The following EMILIN2 variants were observed in gnomAD, a reference collection of about 807,000 sequenced individuals.
The protein encoded by EMILIN2 is elastin microfibril interfacer 2.
EMILIN2 carries 71 observed loss-of-function variants against 87.1 expected under a neutral mutation model. That is an observed-to-expected ratio of 0.82 (90% CI 0.67 to 0.99). EMILIN2 has a LOEUF of 0.99. EMILIN2 is among the 50% of genes least tolerant of loss of function. EMILIN2 has a pLI of 0.00. For synonymous variants in EMILIN2, 581 were observed against 563.4 expected, an observed-to-expected ratio of 1.03 and a Z score of -0.44; for missense variants, 1,407 against 1,371.8, an observed-to-expected ratio of 1.03 and a Z score of -0.40.
chr18:2,849,484 G>A (rs2143943753), intron 2 of EMILIN2, among the ~76,000 whole-genome samples: 1 of 152,200 alleles, frequency 6.6e-6, no homozygotes, highest in African/African-American at 2.4e-5. Context: ...GAAAACCAAA[G>A]GATGATTTAA....
At chr18:2,902,404 T>C (rs628141) in intron 4 of EMILIN2, among the ~76,000 whole-genome samples, 85,744 of 152,032 alleles carry the variant, frequency 0.56, 24,681 homozygotes, top group East Asian at 0.78. Context: ...CCCCAGAGGT[T>C]CATGTTGTTT....
At chr18:2,906,330 C>G (rs1447091241) in intron 4 of EMILIN2, 1 of 154,078 alleles carries the variant, frequency 6.5e-6, no homozygotes, top group East Asian at 1.9e-4. Flanking sequence ...CCGCGCAGCC[C>G]TGGGGCCCCC....
chr18:2,884,235 C>T (rs191839677), intron 2 of EMILIN2, among the ~76,000 whole-genome samples: 3 of 152,098 alleles, frequency 2.0e-5, no homozygotes, highest in Non-Finnish European at 2.9e-5. Context: ...AGATTACAGG[C>T]GTGAGCCACC....
In EMILIN2 at chr18:2,885,136, A is replaced by C. The variant is rs769612215; in HGVS notation, c.430A>C (p.Thr144Pro). The change falls in exon 3 of 8, where the codon ACA becomes CCA. Residue 144 changes from threonine (T) to proline (P), a missense_variant. By Grantham distance (38) the Thr-to-Pro change is conservative. Transcript: ENST00000254528. Reference protein sequence around the residue: ...ARPRNSLKKATDNEPSQFSEP... With the variant: ...ARPRNSLKKAPDNEPSQFSEP... ...GCCTCGAAACAGCTTGAAGAAAGCC[A>C]CAGGTAACTTCTTATTTGTGCTATT... The C allele has an allele frequency of 5.0e-6, 8 of 1,601,480 alleles. No individual in the cohort carries two copies. The East Asian group carries it at 1.8e-4, about 36-fold the overall frequency.
At chr18:2,866,211 C>T (rs1037055193) in intron 2 of EMILIN2, among the ~76,000 whole-genome samples, 19 of 152,238 alleles carry the variant, frequency 1.2e-4, no homozygotes, top group African/African-American at 4.6e-4. Context: ...GCTGCACCCA[C>T]TGTCCGACAC....
In EMILIN2 at chr18:2,847,309, A is replaced by G; in HGVS notation, c.121A>G (p.Ser41Gly). The change falls in exon 1 of 8, where the codon AGC becomes GGC. Residue 41 changes from serine (S) to glycine (G), a missense_variant. Coordinates refer to ENST00000254528, the MANE Select transcript of EMILIN2 (RefSeq NM_032048.3). This position sits in a 1 kb window ranked among gnomAD's most constrained non-coding sequence, Gnocchi z 4.5. ...GPQPGYPARP[S>G]ARNKNWCAYI... ...GCAGCCCGGGTATCCCGCGCGGCCC[A>G]GCGCCAGGAACAAGTAAGTGCGCGC... 1 of 1,316,904 alleles carries G rather than the reference A, an allele frequency of 7.6e-7. No homozygotes were observed. 81.6% of individuals were successfully genotyped at this position (1,316,904 alleles called of 1,614,324 possible).
At chr18:2,871,845 A>T (rs1263117407) in intron 2 of EMILIN2, among the ~76,000 whole-genome samples, 3 of 152,206 alleles carry the variant, frequency 2.0e-5, no homozygotes, top group Non-Finnish European at 4.4e-5. Flanking sequence ...GTTTTATTGC[A>T]AATGTTTGCC....
At chr18:2,853,307 C>G (rs901016804) in intron 2 of EMILIN2, among the ~76,000 whole-genome samples, 5 of 152,080 alleles carry the variant, frequency 3.3e-5, no homozygotes, top group African/African-American at 4.8e-5. Context: ...GATCCTGCCA[C>G]CCCCCCAGCC....
chr18:2,852,781 A>G (rs1411605841), intron 2 of EMILIN2, among the ~76,000 whole-genome samples: 1 of 152,196 alleles, frequency 6.6e-6, no homozygotes, highest in Non-Finnish European at 1.5e-5. Flanking sequence ...GGCCTCCCAA[A>G]GTGCTGGGAT....
chr18:2,913,609 C>A lies in EMILIN2; in HGVS notation c.*205C>A. ...GTGAGGCACACGGTGAACATGGCCA[C>A]TGACTTTTCTGCCACTCTAACTGGA... On this transcript the variant is annotated 3_prime_UTR_variant, in exon 8 of 8. Transcript: ENST00000254528. 2 of 543,090 alleles carry A rather than the reference C, an allele frequency of 3.7e-6. No individual in the cohort carries two copies. The highest frequency in any genetic ancestry group is 2.5e-5 in the South Asian group (1 of 39,540). 33.6% of individuals were successfully genotyped at this position (543,090 alleles called of 1,614,324 possible). A position where few individuals can be genotyped will look rare whatever the true frequency, so the allele number is the denominator to read the frequency against.
chr18:2,913,063 G>A lies in EMILIN2; in HGVS notation c.2825-4G>A, dbSNP rs557040408. The A allele has an allele frequency of 1.1e-4, 180 of 1,607,402 alleles. 2 individuals are homozygous for A. The South Asian group carries it at 1.4e-3, about 12-fold the overall frequency. ...GAGCACAGGGTTTGCCTTTCTCCCC[G>A]CAGGGGTCTTCACGGCTCCTTATGA... On this transcript the variant is annotated splice_polypyrimidine_tract_variant and splice_region_variant and intron_variant, in intron 7 of 7. Transcript: ENST00000254528.
chr18:2,912,432 G>A (rs557187033), intron 7 of EMILIN2, among the ~76,000 whole-genome samples: 1 of 152,214 alleles, frequency 6.6e-6, no homozygotes, highest in African/African-American at 2.4e-5. Flanking sequence ...TGCGGAGCCC[G>A]TGAGTGATGG....
chr18:2,863,822 T>C (rs2076673106), intron 2 of EMILIN2, among the ~76,000 whole-genome samples: 1 of 152,214 alleles, frequency 6.6e-6, no homozygotes, highest in African/African-American at 2.4e-5. Context: ...CAGTGGGGTG[T>C]TAAAGTCTCC....
chr18:2,867,318 ATAG>A (rs1193789030), intron 2 of EMILIN2, among the ~76,000 whole-genome samples: 13 of 151,892 alleles, frequency 8.6e-5, no homozygotes, highest in African/African-American at 2.9e-4. Flanking sequence ...TTTTAAGACA[ATAG>A]TAGTTATTTA....
At position 2,906,983 on chromosome 18, in the gene EMILIN2, C is replaced by T. The variant is rs1457484885; in HGVS notation, c.2560C>T (p.Pro854Ser). Residue 854 changes from proline (P) to serine (S), a missense_variant, in exon 5 of 8, where the codon CCC becomes TCC. By Grantham distance (74) the Pro-to-Ser change is moderately conservative. Transcript: ENST00000254528. The stretch of plus-strand genomic sequence containing the variant: ...CGCGGAGACGGGCCAGGCCGGGCCC[C>T]CCGCAGGCGCAGGCGTGTCTGGGCG... The part of the protein sequence containing the change: ...VIAETGQAGP[P>S]AGAGVSGRGL... The T allele has an allele frequency of 1.4e-6, 2 of 1,387,304 alleles. No individual in the cohort carries two copies. Among genetic ancestry groups the T allele is most frequent in the East Asian group, 3.1e-5 (1 of 32,250 alleles). The allele number at this position is 1,387,304 out of a possible 1,614,324, so 85.9% of individuals were successfully genotyped here. A position where few individuals can be genotyped will look rare whatever the true frequency, so the allele number is the denominator to read the frequency against.
At chr18:2,860,956 T>G (rs2076658014) in intron 2 of EMILIN2, among the ~76,000 whole-genome samples, 1 of 152,196 alleles carries the variant, frequency 6.6e-6, no homozygotes, top group Admixed American at 6.5e-5. Context: ...GGTATCTCAT[T>G]GTGGTTTTGA....
At chr18:2,853,895 G>T (rs550456340) in intron 2 of EMILIN2, among the ~76,000 whole-genome samples, 1 of 152,206 alleles carries the variant, frequency 6.6e-6, no homozygotes, top group Non-Finnish European at 1.5e-5. Flanking sequence ...TTGGACGTAC[G>T]GCTGGTAGAA....
In EMILIN2 at chr18:2,913,437, T is replaced by C. The variant is rs573555793; in HGVS notation, c.*33T>C. 46 of 1,497,332 alleles carry C rather than the reference T, an allele frequency of 3.1e-5. 1 individual carries two copies. In the South Asian group the frequency reaches 4.0e-4, roughly 13 times the overall value. 92.8% of individuals were successfully genotyped at this position (1,497,332 alleles called of 1,614,324 possible). A position where few individuals can be genotyped will look rare whatever the true frequency, so the allele number is the denominator to read the frequency against. On this transcript the variant is annotated 3_prime_UTR_variant, in exon 8 of 8. Coordinates refer to ENST00000254528, the MANE Select transcript of EMILIN2 (RefSeq NM_032048.3). ...GGGGAGATGTCAGGGGAAAGATAGA[T>C]AGTTGTAAAAACTCTAAAGCTTTAA... is the stretch of plus-strand genomic sequence containing the variant.
chr18:2,846,970 A>G, upstream of EMILIN2: 1 of 1,001,484 alleles, frequency 1.0e-6, no homozygotes, highest in South Asian at 4.1e-5. The surrounding 1 kb of genome is among the most constrained non-coding windows in gnomAD (Gnocchi z 5.3). Context: ...TGCGTCATTG[A>G]GGGACCGGGG....
Sources: gnomAD v4.1 joint callset for allele counts (sites outside exome capture counted in the v4.1 genomes callset) on GRCh38, gnomAD v4.1.1 for gene constraint, Gnocchi (gnomAD v3.1) non-coding constraint, MANE v1.5 for transcripts, NCBI Gene and HGNC (gene_info 2026-07-23, HGNC 2026-07-21) for gene names.